Variants in AFG2A observed in about 807,000 individuals in gnomAD.
The protein encoded by AFG2A is ATPase family gene 2 protein homolog A.
the AFG2A span, chr4:123,314,109 A>G: frequency 6.9e-7 from 1 of 1,444,204 alleles, no homozygotes; most frequent in Admixed American, 2.7e-5. Context: ...TCCAGAGAAA[A>G]TTTGTTTCTT....
At chr4:123,030,256 A>G in the AFG2A span, among the ~76,000 whole-genome samples, 3 of 152,198 alleles carry the variant, frequency 2.0e-5, no homozygotes, top group Non-Finnish European at 4.4e-5. Flanking sequence ...ACAAACTAGT[A>G]TCTTACTTTT....
the AFG2A span, among the ~76,000 whole-genome samples, chr4:123,066,300 T>G: frequency 6.6e-6 from 1 of 152,138 alleles, no homozygotes; most frequent in African/African-American, 2.4e-5. Context: ...TAAAGGAAAT[T>G]TTTGTAGGCA....
At chr4:123,088,937 G>A in the AFG2A span, among the ~76,000 whole-genome samples, 1 of 152,152 alleles carries the variant, frequency 6.6e-6, no homozygotes, top group African/African-American at 2.4e-5. Context: ...TGTTTATAGT[G>A]TTCAATGTTT....
the AFG2A span, among the ~76,000 whole-genome samples, chr4:123,048,580 C>G: frequency 2.0e-5 from 3 of 152,162 alleles, no homozygotes; most frequent in South Asian, 4.1e-4. Flanking sequence ...TCTTTGACTT[C>G]TTTGGTCAAA....
At chr4:122,983,733 T>A in the AFG2A span, among the ~76,000 whole-genome samples, 1 of 152,202 alleles carries the variant, frequency 6.6e-6, no homozygotes, top group Admixed American at 6.5e-5. Context: ...ATATGATCTA[T>A]CCTTCAGAAT....
At chr4:123,120,934 G>C in the AFG2A span, among the ~76,000 whole-genome samples, 1 of 152,082 alleles carries the variant, frequency 6.6e-6, no homozygotes, top group African/African-American at 2.4e-5. Context: ...AGGTCCTACA[G>C]GGGATATTCC....
the AFG2A span, among the ~76,000 whole-genome samples, chr4:123,150,698 G>A: frequency 2.6e-5 from 4 of 152,162 alleles, no homozygotes; most frequent in Non-Finnish European, 5.9e-5. Context: ...ACTGCCCAAA[G>A]TAATTTGTAG....
the AFG2A span, among the ~76,000 whole-genome samples, chr4:123,198,741 C>T: frequency 6.6e-6 from 1 of 152,170 alleles, no homozygotes; most frequent in Non-Finnish European, 1.5e-5. Context: ...CCTAGCCTTT[C>T]CTTGACCTGA....
the AFG2A span, among the ~76,000 whole-genome samples, chr4:123,047,573 T>C: frequency 1.3e-5 from 2 of 152,164 alleles, no homozygotes; most frequent in Non-Finnish European, 2.9e-5. Context: ...AGGTAATTTG[T>C]CTTTTTTTTT....
At chr4:122,977,075 A>G in the AFG2A span, among the ~76,000 whole-genome samples, 1 of 152,186 alleles carries the variant, frequency 6.6e-6, no homozygotes, top group African/African-American at 2.4e-5. Flanking sequence ...AATGTTTTAA[A>G]TGCTGTAATC....
the AFG2A span, among the ~76,000 whole-genome samples, chr4:122,946,169 A>T: frequency 6.6e-5 from 10 of 152,332 alleles, 1 homozygote; most frequent in South Asian, 2.1e-3. Context: ...AGCAGACCAA[A>T]TGTTTGTGTT....
the AFG2A span, among the ~76,000 whole-genome samples, chr4:123,046,496 ATTT>A: frequency 6.6e-6 from 1 of 152,038 alleles, no homozygotes; most frequent in Admixed American, 6.6e-5. Context: ...CTACGCATTT[ATTT>A]TTGTATTTTT....
At chr4:123,192,949 CAT>C in the AFG2A span, among the ~76,000 whole-genome samples, 2 of 152,292 alleles carry the variant, frequency 1.3e-5, no homozygotes, top group East Asian at 1.9e-4. Context: ...CTAAGGTACT[CAT>C]GTGAATAAAT....
At chr4:122,997,289 A>T in the AFG2A span, among the ~76,000 whole-genome samples, 1 of 152,192 alleles carries the variant, frequency 6.6e-6, no homozygotes, top group East Asian at 1.9e-4. Flanking sequence ...CCTAAAAAGA[A>T]ACCCTGTGCC....
chr4:123,245,430 G>A, the AFG2A span, among the ~76,000 whole-genome samples: 23 of 152,164 alleles, frequency 1.5e-4, no homozygotes, highest in African/African-American at 5.5e-4. Context: ...TTTTCACTTT[G>A]CCCCTATAGT....
At chr4:123,057,026 G>C in the AFG2A span, among the ~76,000 whole-genome samples, 1 of 152,170 alleles carries the variant, frequency 6.6e-6, no homozygotes, top group Non-Finnish European at 1.5e-5. Context: ...AAGCACTATT[G>C]AAGGGGATAC....
chr4:123,221,091 C>A, the AFG2A span, among the ~76,000 whole-genome samples: 1 of 152,090 alleles, frequency 6.6e-6, no homozygotes, highest in Non-Finnish European at 1.5e-5. Flanking sequence ...CTATTGAGCA[C>A]CTGAAATGTG....
At chr4:123,023,960 C>T in the AFG2A span, among the ~76,000 whole-genome samples, 5 of 151,938 alleles carry the variant, frequency 3.3e-5, no homozygotes, top group Middle Eastern at 3.4e-3. Flanking sequence ...CCACCGAGAG[C>T]GCATGCCTGA....
the AFG2A span, among the ~76,000 whole-genome samples, chr4:123,020,566 A>G: frequency 2.0e-5 from 3 of 151,898 alleles, no homozygotes; most frequent in Non-Finnish European, 1.5e-5. Context: ...GCGGGGTTTC[A>G]CCACGTTGGC....
Sources: gnomAD v4.1 joint callset for allele counts (sites outside exome capture counted in the v4.1 genomes callset) on GRCh38, gnomAD v4.1.1 for gene constraint, MANE v1.5 for transcripts, NCBI Gene and HGNC (gene_info 2026-07-23, HGNC 2026-07-21) for gene names.